MACROD2: variants seen among roughly 807,000 people sequenced by gnomAD.
MACROD2 encodes the protein ADP-ribose glycohydrolase MACROD2.
MACROD2 carries 36 observed loss-of-function variants against 70.4 expected under a neutral mutation model. The observed-to-expected ratio is 0.51, with a 90% CI of 0.39 to 0.68. The LOEUF (loss-of-function observed/expected upper bound fraction) is 0.68, where lower values mean the gene tolerates loss of function less well. Among genes scored for constraint, MACROD2 ranks in the 30% least tolerant of loss-of-function variants. The pLI is 0.00. For synonymous variants in MACROD2, 172 were observed against 178.8 expected (o/e 0.96, Z 0.30); for missense variants, 496 against 538.4 (o/e 0.92, Z 0.78).
chr20:14,301,438 A>G (rs909133575), intron 3 of MACROD2, among the ~76,000 whole-genome samples: 5 of 152,220 alleles, frequency 3.3e-5, no homozygotes, highest in African/African-American at 1.2e-4. Context: ...CTTATAGGTT[A>G]TAAGGCAATA....
chr20:14,669,628 GGTT>G (rs2070773120), intron 4 of MACROD2, among the ~76,000 whole-genome samples: 1 of 152,130 alleles, frequency 6.6e-6, no homozygotes, highest in Non-Finnish European at 1.5e-5. Context: ...AAACAAATGA[GGTT>G]GTCTCAGAGG....
chr20:14,669,588 A>G (rs1224561421), intron 4 of MACROD2, among the ~76,000 whole-genome samples: 1 of 152,188 alleles, frequency 6.6e-6, no homozygotes. Flanking sequence ...AGGAAAGATT[A>G]TCTTTCTCCA....
At chr20:15,220,774 G>C (rs1056800200) in intron 5 of MACROD2, among the ~76,000 whole-genome samples, 1 of 152,080 alleles carries the variant, frequency 6.6e-6, no homozygotes, top group African/African-American at 2.4e-5. Context: ...GAAAAAAATG[G>C]GGGGGGCTCT....
chr20:14,927,421 A>C (rs1203060715), intron 5 of MACROD2, among the ~76,000 whole-genome samples: 1 of 152,134 alleles, frequency 6.6e-6, no homozygotes, highest in Non-Finnish European at 1.5e-5. Flanking sequence ...TATTACCCAC[A>C]TATTGTCACT....
intron 4 of MACROD2, among the ~76,000 whole-genome samples, chr20:14,592,339 G>A (rs1383833481): frequency 6.6e-6 from 1 of 152,122 alleles, no homozygotes; most frequent in Non-Finnish European, 1.5e-5. Context: ...TAAGTTTTAG[G>A]AACTTTTGGG....
At chr20:15,556,816 T>C (rs1012216129) in intron 8 of MACROD2, among the ~76,000 whole-genome samples, 7 of 152,220 alleles carry the variant, frequency 4.6e-5, no homozygotes, top group Non-Finnish European at 8.8e-5. Context: ...CTTCTCTCTC[T>C]TTCTTGATTG....
chr20:14,967,752 C>T (rs961392718), intron 5 of MACROD2, among the ~76,000 whole-genome samples: 16 of 152,078 alleles, frequency 1.1e-4, no homozygotes, highest in African/African-American at 3.4e-4. Flanking sequence ...GAGAAGTCTG[C>T]CAATTTACTT....
chr20:15,252,295 A>G (rs1365890874), intron 6 of MACROD2, among the ~76,000 whole-genome samples: 1 of 152,222 alleles, frequency 6.6e-6, no homozygotes. Flanking sequence ...ATATAGTTTA[A>G]TCCTGTACCA....
rs1286406990 is a variant in MACROD2 at position 14,689,090 on chromosome 20, T to G, written c.418+4131T>G. 2.0e-5 allele frequency among the ~76,000 whole-genome samples: 3 copies of G among 152,176 alleles called. No individual in the cohort carries two copies. In the East Asian group the frequency reaches 5.8e-4, roughly 29 times the overall value. On this transcript the variant is annotated intron_variant, in intron 5 of 17. Transcript: ENST00000684519. ...TCCCCCACTCACACAGGCTGCTTTG[T>G]GTGAACCTGGTCCTCAAAGCCTTTG...
At chr20:14,991,312 A>G (rs2122869973) in intron 5 of MACROD2, among the ~76,000 whole-genome samples, 1 of 152,272 alleles carries the variant, frequency 6.6e-6, no homozygotes, top group East Asian at 1.9e-4. Context: ...TTTTTTTTAA[A>G]GAATTGACTA....
chr20:14,936,282 G>A (rs543467360), intron 5 of MACROD2, among the ~76,000 whole-genome samples: 1 of 152,208 alleles, frequency 6.6e-6, no homozygotes, highest in Non-Finnish European at 1.5e-5. Flanking sequence ...GAAGGAACAA[G>A]TGAAAATGCC....
intron 15 of MACROD2, among the ~76,000 whole-genome samples, chr20:16,039,479 G>GTGCAAATA (rs143562589): frequency 0.099 from 15,082 of 151,718 alleles, 905 homozygotes; most frequent in East Asian, 0.18. Flanking sequence ...ACGATAAAAG[G>GTGCAAATA]TGCAAATATT....
chr20:15,417,598 C>CAAAAAAAAAAAAAAA (rs71340225), intron 6 of MACROD2, among the ~76,000 whole-genome samples: 1 of 69,338 alleles, frequency 1.4e-5, no homozygotes, highest in African/African-American at 5.1e-5. Flanking sequence ...AACCCTGTCT[C>CAAAAAAAAAAAAAAA]AAAAAAAAAA....
chr20:15,242,745 C>T (rs2077070665), intron 6 of MACROD2, among the ~76,000 whole-genome samples: 1 of 152,066 alleles, frequency 6.6e-6, no homozygotes, highest in Non-Finnish European at 1.5e-5. Context: ...ATTCATAGCA[C>T]ATGCATTTTG....
chr20:14,833,467 A>G (rs2072994206), intron 5 of MACROD2, among the ~76,000 whole-genome samples: 1 of 152,154 alleles, frequency 6.6e-6, no homozygotes, highest in Admixed American at 6.5e-5. Context: ...CTTATGAGGC[A>G]TTGAAAAAGT....
intron 5 of MACROD2, among the ~76,000 whole-genome samples, chr20:15,135,389 G>A (rs959539962): frequency 1.3e-5 from 2 of 151,614 alleles, no homozygotes; most frequent in Non-Finnish European, 2.9e-5. Context: ...CTTCATCCCT[G>A]GGATGCAAGG....
At chr20:14,720,422 G>A (rs1469587062) in intron 5 of MACROD2, among the ~76,000 whole-genome samples, 3 of 151,516 alleles carry the variant, frequency 2.0e-5, no homozygotes, top group Admixed American at 1.3e-4. Context: ...TGAGTAATGT[G>A]CTGTTTTGGT....
intron 5 of MACROD2, among the ~76,000 whole-genome samples, chr20:14,689,889 T>C (rs923223579): frequency 1.3e-5 from 2 of 152,210 alleles, no homozygotes; most frequent in African/African-American, 2.4e-5. Flanking sequence ...GAATTAGTTA[T>C]TGAAAGTGTC....
chr20:15,962,794 T>C (rs1048504819), intron 12 of MACROD2, among the ~76,000 whole-genome samples: 7 of 152,186 alleles, frequency 4.6e-5, no homozygotes, highest in African/African-American at 7.2e-5. Flanking sequence ...TATAGCTCAT[T>C]TGGGTCTCCT....
Sources: gnomAD v4.1 joint callset for allele counts (sites outside exome capture counted in the v4.1 genomes callset) on GRCh38, gnomAD v4.1.1 for gene constraint, MANE v1.5 for transcripts, NCBI Gene and HGNC (gene_info 2026-07-23, HGNC 2026-07-21) for gene names.